Variants in C1orf87 observed in about 807,000 individuals in gnomAD.
C1orf87 encodes the protein uncharacterized protein C1orf87.
C1orf87 carries 58 observed loss-of-function variants against 60.5 expected under a neutral mutation model. The observed-to-expected ratio is 0.96, with a 90% CI of 0.78 to 1.19. C1orf87 has a LOEUF of 1.19. Ranked by LOEUF, C1orf87 falls within the 50% of genes most tolerant of loss-of-function variation. C1orf87 has a pLI of 0.00. For missense variants in C1orf87, 673 were observed against 638.6 expected (o/e 1.05, Z -0.58); for synonymous variants, 236 against 227.4 (o/e 1.04, Z -0.34).
chr1:60,056,199 G>A (rs962856596), intron 2 of C1orf87, among the ~76,000 whole-genome samples: 5 of 151,904 alleles, frequency 3.3e-5, no homozygotes, highest in Non-Finnish European at 5.9e-5. Flanking sequence ...AGCCGAGATC[G>A]CACCACTAGA....
intron 6 of C1orf87, among the ~76,000 whole-genome samples, chr1:60,036,783 A>T (rs1008283229): frequency 3.3e-5 from 5 of 152,210 alleles, no homozygotes; most frequent in African/African-American, 1.2e-4. Context: ...ATTTCTGATT[A>T]TATTCCTCAC....
chr1:60,001,167 A>G lies in C1orf87; in HGVS notation c.1193-11T>C. ...TCTTTTCATTCTTCCCTGAACAAGAATAAAAAAAAAAAAAGGAAGGGTTTA... is the reference window on the plus strand; with the variant it reads ...TCTTTTCATTCTTCCCTGAACAAGAGTAAAAAAAAAAAAAGGAAGGGTTTA... On this transcript the variant is annotated splice_polypyrimidine_tract_variant and intron_variant, in intron 9 of 11. Transcript: ENST00000371201. 2 of 1,535,528 alleles carry G rather than the reference A, an allele frequency of 1.3e-6. No individual in the cohort carries two copies. Among genetic ancestry groups the G allele is most frequent in the South Asian group, 2.5e-5 (2 of 81,342 alleles).
intron 6 of C1orf87, among the ~76,000 whole-genome samples, chr1:60,037,576 G>A (rs1645286731): frequency 6.6e-6 from 1 of 152,112 alleles, no homozygotes; most frequent in Admixed American, 6.6e-5. Context: ...ACTCACTCCT[G>A]AGATAATGAC....
chr1:60,005,149 A>T lies in C1orf87; in HGVS notation c.1193-3993T>A, dbSNP rs753032102. On this transcript the variant is annotated intron_variant, in intron 9 of 11. Coordinates refer to ENST00000371201, the MANE Select transcript of C1orf87 (RefSeq NM_152377.3). ...ACTCATATATGTCAAATATCTAGAA[A>T]TGACAGACATTTCCACATCATCTAA... 2.6e-5 allele frequency among the ~76,000 whole-genome samples: 4 copies of T among 152,076 alleles called. No individual in the cohort carries two copies. The East Asian group carries it at 5.8e-4, about 22-fold the overall frequency.
At position 60,040,888 on chromosome 1, in the gene C1orf87, C is replaced by T. The variant is rs936367887; in HGVS notation, c.483+103G>A. 30 of 1,317,810 alleles carry T rather than the reference C, an allele frequency of 2.3e-5. 1 individual carries two copies. The highest frequency in any genetic ancestry group is 1.2e-5 in the Non-Finnish European group (12 of 978,862). 81.6% of individuals were successfully genotyped at this position (1,317,810 alleles called of 1,614,324 possible). On this transcript the variant is annotated intron_variant, in intron 4 of 11. Coordinates refer to ENST00000371201, the MANE Select transcript of C1orf87 (RefSeq NM_152377.3). ...CATTACAGGTGTAAGCCACTATGAC[C>T]AGCCCTCAGACCAACTTATCTTCTG... is the stretch of plus-strand genomic sequence containing the variant.
At chr1:60,069,838 G>A (rs895743639) in intron 2 of C1orf87, among the ~76,000 whole-genome samples, 21 of 152,140 alleles carry the variant, frequency 1.4e-4, no homozygotes, top group African/African-American at 5.1e-4. Flanking sequence ...TTTGGAAATA[G>A]GGTTATTACA....
chr1:60,040,715 G>T (rs562072441), intron 4 of C1orf87, among the ~76,000 whole-genome samples: 1 of 151,852 alleles, frequency 6.6e-6, no homozygotes, highest in Non-Finnish European at 1.5e-5. Flanking sequence ...CTGGATAAAC[G>T]AAGTCTGGTG....
intron 1 of C1orf87, 114 bp from the exon 2 acceptor site, chr1:60,072,784 T>C (rs1645593140): frequency 1.7e-6 from 1 of 585,564 alleles, no homozygotes; most frequent in African/African-American, 1.9e-5. Context: ...TCACCTATAT[T>C]ACCTCACTTA....
At chr1:60,024,180 C>T (rs1043607831) in intron 8 of C1orf87, among the ~76,000 whole-genome samples, 1 of 152,076 alleles carries the variant, frequency 6.6e-6, no homozygotes, top group Non-Finnish European at 1.5e-5. Context: ...TTTTTGTATA[C>T]ATTTTAAAAT....
chr1:59,991,257 C>A (rs4915845), intron 11 of C1orf87, among the ~76,000 whole-genome samples: 64,876 of 152,184 alleles, frequency 0.43, 14,350 homozygotes, highest in Non-Finnish European at 0.48. Flanking sequence ...AGCTTATTTT[C>A]AAAATGCATT....
intron 4 of C1orf87, 62 bp from the exon 5 acceptor site, chr1:60,040,242 A>AAGGAAGCAG: frequency 6.5e-7 from 1 of 1,549,820 alleles, no homozygotes; most frequent in Non-Finnish European, 8.7e-7. Flanking sequence ...AGACCAAAGC[A>AAGGAAGCAG]AGGAAGCAGA....
rs1312567600 is a variant in C1orf87, at chr1:59,990,791, T to C, written c.1523A>G (p.Tyr508Cys). ...CAGGGACAGGTTGTAAATGAGATTG[T>C]AGTTGTGAATGAGGCGTCTGGCTCG... ...KERARRLIHN[Y>C]NLIYNLSLSP... The change falls in exon 12 of 12, where the codon TAC becomes TGC. Residue 508 changes from tyrosine to cysteine, a missense_variant. Physicochemically the swap from Tyr to Cys is radical, Grantham distance 194 (BLOSUM62 -2). Coordinates refer to ENST00000371201, the MANE Select transcript of C1orf87 (RefSeq NM_152377.3). The C allele has an allele frequency of 6.2e-7, 1 of 1,614,046 alleles. No homozygotes were observed. The highest frequency in any genetic ancestry group is 2.2e-5 in the East Asian group (1 of 44,882).
intron 8 of C1orf87, among the ~76,000 whole-genome samples, chr1:60,014,660 G>A (rs1645113077): frequency 6.6e-6 from 1 of 152,050 alleles, no homozygotes; most frequent in Non-Finnish European, 1.5e-5. Flanking sequence ...GGTTATGAAG[G>A]CTTAAGTCAA....
intron 9 of C1orf87, among the ~76,000 whole-genome samples, chr1:60,005,804 C>CTTT (rs36114324): frequency 7.3e-4 from 97 of 132,106 alleles, no homozygotes; most frequent in African/African-American, 1.8e-3. Flanking sequence ...TCTCAGCATT[C>CTTT]TTTTTTTTTT....
intron 2 of C1orf87, among the ~76,000 whole-genome samples, chr1:60,062,215 C>A (rs1645502182): frequency 6.6e-6 from 1 of 152,172 alleles, no homozygotes; most frequent in Admixed American, 6.6e-5. Flanking sequence ...CCATAACTTG[C>A]AGTTCTCTTA....
intron 7 of C1orf87, among the ~76,000 whole-genome samples, chr1:60,032,009 C>T (rs546562949): frequency 6.6e-6 from 1 of 151,768 alleles, no homozygotes; most frequent in Admixed American, 6.6e-5. Flanking sequence ...CACACATACA[C>T]ACACACACAC....
chr1:59,997,594 C>T lies in C1orf87; in HGVS notation c.1480+15G>A. ...CAAATAGAAACCTATGCCAGCTTTACAATTCATACTTCACCTGTGTTACTC... is the reference window on the plus strand; with the variant it reads ...CAAATAGAAACCTATGCCAGCTTTATAATTCATACTTCACCTGTGTTACTC... On this transcript the variant is annotated intron_variant, in intron 11 of 11. Coordinates refer to ENST00000371201, the MANE Select transcript of C1orf87 (RefSeq NM_152377.3). 6.2e-7 allele frequency: 1 copy of T among 1,612,824 alleles called. No individual in the cohort carries two copies. Among genetic ancestry groups the T allele is most frequent in the Middle Eastern group, 1.7e-4 (1 of 6,052 alleles).
chr1:60,037,578 G>T (rs631469), intron 6 of C1orf87, among the ~76,000 whole-genome samples: 58,018 of 151,900 alleles, frequency 0.38, 11,452 homozygotes, highest in South Asian at 0.51. Context: ...TCACTCCTGA[G>T]ATAATGACAT....
chr1:60,040,418 TAGA>T (rs1293788847), intron 4 of C1orf87, among the ~76,000 whole-genome samples: 1 of 152,240 alleles, frequency 6.6e-6, no homozygotes, highest in Non-Finnish European at 1.5e-5. Flanking sequence ...CATGGTCTGG[TAGA>T]AGATGCTTTA....
Sources: allele counts gnomAD v4.1 joint callset (sites outside exome capture counted in the v4.1 genomes callset), GRCh38; gene constraint gnomAD v4.1.1; transcripts MANE v1.5; gene names NCBI Gene and HGNC (gene_info 2026-07-23, HGNC 2026-07-21).